Variants in USP25 observed in about 807,000 individuals in gnomAD.
USP25 encodes ubiquitin carboxyl-terminal hydrolase 25.
USP25 carries 85 observed loss-of-function variants against 158.5 expected under a neutral mutation model. The ratio of observed to expected loss-of-function variants is 0.54; its 90% CI spans 0.45 to 0.64. The LOEUF is 0.64. Ranked by LOEUF, USP25 falls within the 30% of genes least tolerant of loss-of-function variation. The pLI is 0.00. For synonymous variants in USP25, 464 were observed against 460.4 expected, an observed-to-expected ratio of 1.01 and a Z score of -0.10; for missense variants, 1,242 against 1,327.3, an observed-to-expected ratio of 0.94 and a Z score of 1.00.
chr21:15,734,816 CTTTGCAGTGAATGATATTTTATGT>C (rs1330901692), intron 1 of USP25, among the ~76,000 whole-genome samples: 9 of 151,840 alleles, frequency 5.9e-5, no homozygotes, highest in Admixed American at 5.9e-4. Flanking sequence ...ATGTCTTTTT[CTTTGCAGTGAATGATATTTTATGT>C]CAGTAACATA....
intron 9 of USP25, among the ~76,000 whole-genome samples, chr21:15,814,201 A>G (rs2036817858): frequency 6.7e-6 from 1 of 150,318 alleles, no homozygotes; most frequent in Non-Finnish European, 1.5e-5. Context: ...TGCTGCTGCC[A>G]TGTAAGAAGT....
chr21:15,747,009 T>A (rs577149935), intron 1 of USP25, among the ~76,000 whole-genome samples: 1 of 152,350 alleles, frequency 6.6e-6, no homozygotes, highest in African/African-American at 2.4e-5. Flanking sequence ...TACTTCTAGA[T>A]ATACTACAGC....
Position 15,730,306 on chromosome 21 carries a change from G to A in USP25, c.-88G>A, listed in dbSNP as rs1479074580. ...CCCAGGCCGTCCGCGCCGCTCCCTG[G>A]AGCTCGGCGGAGCGCGGCAGCCAGG... On this transcript the variant is annotated 5_prime_UTR_variant, in exon 1 of 26. Coordinates refer to ENST00000400183, the MANE Select transcript of USP25 (RefSeq NM_001283041.3). 1 of 1,018,784 alleles carries A rather than the reference G, an allele frequency of 9.8e-7. No individual in the cohort carries two copies. The highest frequency in any genetic ancestry group is 4.5e-5 in the South Asian group (1 of 22,452). 63.1% of individuals were successfully genotyped at this position (1,018,784 alleles called of 1,614,324 possible).
At chr21:15,797,770 C>T (rs2146240964) in intron 5 of USP25, among the ~76,000 whole-genome samples, 1 of 151,394 alleles carries the variant, frequency 6.6e-6, no homozygotes, top group East Asian at 1.9e-4. Context: ...TTTGGTTTCA[C>T]TTTCTGCTGT....
At chr21:15,821,953 A>G (rs1238443320) in intron 10 of USP25, among the ~76,000 whole-genome samples, 1 of 151,958 alleles carries the variant, frequency 6.6e-6, no homozygotes, top group Non-Finnish European at 1.5e-5. Context: ...TTGTGCTGCC[A>G]ATACTGATTA....
chr21:15,853,081 A>G (rs903047485), intron 20 of USP25, among the ~76,000 whole-genome samples: 1 of 152,138 alleles, frequency 6.6e-6, no homozygotes, highest in South Asian at 2.1e-4. Context: ...CCATGGCCCT[A>G]TTGTAACCAT....
chr21:15,785,711 A>G (rs1284781330), intron 4 of USP25, among the ~76,000 whole-genome samples: 1 of 152,236 alleles, frequency 6.6e-6, no homozygotes, highest in Non-Finnish European at 1.5e-5. Context: ...AGAAATGAGG[A>G]AAGATTTCTA....
intron 16 of USP25, among the ~76,000 whole-genome samples, chr21:15,833,074 C>T (rs557651692): frequency 1.3e-5 from 2 of 152,032 alleles, no homozygotes; most frequent in Non-Finnish European, 2.9e-5. Context: ...TATTTTCTGT[C>T]ACTTCTACTC....
Position 15,786,839 on chromosome 21 carries a change from C to CAGAA in USP25, c.393-4660_393-4659insAAGA, listed in dbSNP as rs567817501. On this transcript the variant is annotated intron_variant, in intron 4 of 25. Coordinates refer to ENST00000400183, the MANE Select transcript of USP25 (RefSeq NM_001283041.3). ...GAGAAAGTAAAATTGTCTCTGTTTC[C>CAGAA]AGATGATATGATCTTAAATATAGAA... 3.4e-3 allele frequency among the ~76,000 whole-genome samples: 520 copies of CAGAA among 152,080 alleles called. 4 individuals carry two copies. The highest frequency in any genetic ancestry group is 0.012 in the African/African-American group (492 of 41,518).
At chr21:15,730,516 C>T in intron 1 of USP25, 78 bp downstream of exon 1, 2 of 1,282,716 alleles carry the variant, frequency 1.6e-6, no homozygotes, top group Middle Eastern at 2.9e-4. Context: ...CCGGGCGCCC[C>T]GGCCTCGCCG....
At chr21:15,737,673 G>A (rs1371217420) in intron 1 of USP25, among the ~76,000 whole-genome samples, 1 of 151,816 alleles carries the variant, frequency 6.6e-6, no homozygotes, top group African/African-American at 2.4e-5. Flanking sequence ...TTTTAACCAA[G>A]AGTTTTAAAG....
intron 24 of USP25, 186 bp from the exon 25 acceptor site, chr21:15,877,610 A>G (rs542835531): frequency 1.7e-4 from 81 of 478,606 alleles, no homozygotes; most frequent in Non-Finnish European, 2.8e-4. Flanking sequence ...TTGTTGCCAT[A>G]TGCATAGCTT....
At chr21:15,874,289 A>G (rs374478591) in intron 23 of USP25, 114 bp from the exon 24 acceptor site, 3 of 961,808 alleles carry the variant, frequency 3.1e-6, no homozygotes, top group South Asian at 3.6e-5. Context: ...ATTTTTTATT[A>G]TAATGTAGAT....
rs2040221557 is a variant in USP25, at chr21:15,879,722, T to C, written c.*1247T>C. 1 of 152,616 alleles carries C rather than the reference T, an allele frequency of 6.6e-6. No homozygotes were observed. Among genetic ancestry groups the C allele is most frequent in the South Asian group, 2.1e-4 (1 of 4,830 alleles). The allele number at this position is 152,616 out of a possible 1,614,324, so 9.5% of individuals were successfully genotyped here. A position where few individuals can be genotyped will look rare whatever the true frequency, so the allele number is the denominator to read the frequency against. ...ATAGACCATTATACTATGTGTATGT[T>C]TGATACAGCGTCGCCAAAACTAGTG... is the stretch of plus-strand genomic sequence containing the variant. On this transcript the variant is annotated 3_prime_UTR_variant, in exon 26 of 26. Transcript: ENST00000400183.
intron 1 of USP25, among the ~76,000 whole-genome samples, chr21:15,755,544 A>G (rs917253355): frequency 6.6e-6 from 1 of 152,150 alleles, no homozygotes; most frequent in Admixed American, 6.5e-5. Flanking sequence ...CCAAGTTTCA[A>G]CCCTGTCTCT....
chr21:15,871,234 A>C (rs1323613803), intron 23 of USP25, among the ~76,000 whole-genome samples: 1 of 152,246 alleles, frequency 6.6e-6, no homozygotes, highest in Admixed American at 6.5e-5. Context: ...TGTGCTATTT[A>C]TAAGATAATT....
intron 19 of USP25, among the ~76,000 whole-genome samples, chr21:15,848,538 T>C (rs1225702908): frequency 2.0e-5 from 3 of 152,056 alleles, no homozygotes; most frequent in Non-Finnish European, 4.4e-5. Context: ...CCGTAACTAT[T>C]GGGTAGTGGG....
chr21:15,859,122 A>AATTATATATATATAATATATCTAT, intron 20 of USP25, among the ~76,000 whole-genome samples: 1 of 149,026 alleles, frequency 6.7e-6, no homozygotes, highest in East Asian at 1.9e-4. Flanking sequence ...TGGATATACA[A>AATTATATATATATAATATATCTAT]ATTATATATA....
intron 4 of USP25, among the ~76,000 whole-genome samples, chr21:15,787,902 A>ACCCCCC (rs5842545): frequency 1.2e-4 from 10 of 83,714 alleles, no homozygotes; most frequent in Non-Finnish European, 2.1e-4. Flanking sequence ...ACACCCCCTC[A>ACCCCCC]CCCCCCCCCC....
Sources: allele counts gnomAD v4.1 joint callset (sites outside exome capture counted in the v4.1 genomes callset), GRCh38; gene constraint gnomAD v4.1.1; transcripts MANE v1.5; gene names NCBI Gene and HGNC (gene_info 2026-07-23, HGNC 2026-07-21).